Variants in SLC29A3 observed in about 807,000 individuals in gnomAD.
SLC29A3 encodes the protein solute carrier family 29 member 3.
Under a neutral mutation model 25.4 loss-of-function variants are expected in SLC29A3, and 18 were observed. The observed-to-expected ratio is 0.71, with a 90% CI of 0.49 to 1.05. The LOEUF is 1.05. Ranked by LOEUF, SLC29A3 falls within the 50% of genes least tolerant of loss-of-function variation. The pLI, the probability that SLC29A3 is intolerant of heterozygous loss-of-function variation, is 0.00. For synonymous variants in SLC29A3, 258 were observed against 267.1 expected (o/e 0.97, Z 0.33); for missense variants, 586 against 609.0 (o/e 0.96, Z 0.40).
At chr10:71,367,177 A>G (rs1367241786), downstream of SLC29A3, among the ~76,000 whole-genome samples, 3 of 144,274 alleles carry the variant, frequency 2.1e-5, no homozygotes, top group African/African-American at 2.5e-5. Context: ...GTGGAGCACA[A>G]GGGGAGGCGG....
chr10:71,323,199 T>C (rs1845893302), intron 2 of SLC29A3, 145 bp downstream of exon 2: 2 of 1,117,266 alleles, frequency 1.8e-6, no homozygotes, highest in East Asian at 2.6e-5. Flanking sequence ...AAATTATGGT[T>C]CCATGTGGTG....
intron 2 of SLC29A3, among the ~76,000 whole-genome samples, chr10:71,323,882 T>C (rs1845909264): frequency 6.6e-6 from 1 of 152,118 alleles, no homozygotes; most frequent in South Asian, 2.1e-4. Context: ...TGTGAAGCTG[T>C]GTTTGGGGCA....
At chr10:71,376,349 A>G (rs1455417047) in intron 4 of SLC29A3, among the ~76,000 whole-genome samples, 1 of 152,168 alleles carries the variant, frequency 6.6e-6, no homozygotes, top group Non-Finnish European at 1.5e-5. Flanking sequence ...TGAAAATTGC[A>G]GGCTCTGGAC....
chr10:71,362,970 G>A lies in SLC29A3; in HGVS notation c.*362G>A, dbSNP rs1054565513. 3.7e-5 allele frequency: 18 copies of A among 482,952 alleles called. No homozygotes were observed. The highest frequency in any genetic ancestry group is 2.9e-4 in the African/African-American group (15 of 51,406). 29.9% of individuals were successfully genotyped at this position (482,952 alleles called of 1,614,324 possible). A position where few individuals can be genotyped will look rare whatever the true frequency, so the allele number is the denominator to read the frequency against. ...AGCCAGTGCCAAAACCCAGCCATGG[G>A]CTCTTTGCAACCTCCCAGCTGCGCT... On this transcript the variant is annotated 3_prime_UTR_variant, in exon 6 of 6. Coordinates refer to ENST00000373189, the MANE Select transcript of SLC29A3 (RefSeq NM_018344.6).
chr10:71,325,521 A>G (rs1589221645), intron 2 of SLC29A3, among the ~76,000 whole-genome samples: 1 of 152,138 alleles, frequency 6.6e-6, no homozygotes, highest in African/African-American at 2.4e-5. Context: ...TATGTTTACA[A>G]CTTCACACTT....
chr10:71,325,662 G>A (rs1022899745), intron 2 of SLC29A3, among the ~76,000 whole-genome samples: 1 of 152,248 alleles, frequency 6.6e-6, no homozygotes, highest in Admixed American at 6.5e-5. Flanking sequence ...TTCTACAGCT[G>A]AGGAAGTGCC....
At chr10:71,354,168 C>T (rs1254371157) in intron 4 of SLC29A3, among the ~76,000 whole-genome samples, 1 of 152,208 alleles carries the variant, frequency 6.6e-6, no homozygotes, top group Non-Finnish European at 1.5e-5. Flanking sequence ...GTATTTGGCA[C>T]TTCTCCGCAC....
chr10:71,334,955 T>C (rs919288367), intron 2 of SLC29A3, among the ~76,000 whole-genome samples: 91 of 130,260 alleles, frequency 7.0e-4, no homozygotes, highest in Non-Finnish European at 1.2e-3. Flanking sequence ...TCTTTTTTTT[T>C]CTTTTTTTTT....
chr10:71,347,807 C>G (rs1270552192), intron 3 of SLC29A3, among the ~76,000 whole-genome samples: 2 of 152,208 alleles, frequency 1.3e-5, no homozygotes, highest in African/African-American at 4.8e-5. Flanking sequence ...CTCCTCCTCT[C>G]TGATTCCTCC....
Position 71,322,774 on chromosome 10 carries a change from A to T in SLC29A3, c.20A>T (p.Asp7Val), listed in dbSNP as rs763702312. 6.2e-7 allele frequency: 1 copy of T among 1,613,924 alleles called. No individual in the cohort carries two copies. Among genetic ancestry groups the T allele is most frequent in the Non-Finnish European group, 8.5e-7 (1 of 1,180,032 alleles). The stretch of plus-strand genomic sequence containing the variant: ...CCAATAGTGGCCGTTGTCTCAGAGG[A>T]CGACTTTCAGCACAGTTCAAACTCC... MAVVSE[D>V]DFQHSSNSTY... Residue 7 changes from aspartate (D) to valine (V), a missense_variant, in exon 2 of 6, where the codon GAC becomes GTC. Coordinates refer to ENST00000373189, the MANE Select transcript of SLC29A3 (RefSeq NM_018344.6).
At chr10:71,330,128 C>G (rs1198035583) in intron 2 of SLC29A3, among the ~76,000 whole-genome samples, 3 of 152,238 alleles carry the variant, frequency 2.0e-5, no homozygotes, top group Admixed American at 6.5e-5. Flanking sequence ...CCTGGAAGAG[C>G]CTTTGCCCTT....
chr10:71,339,862 C>G (rs930440022), intron 2 of SLC29A3, among the ~76,000 whole-genome samples: 1 of 152,122 alleles, frequency 6.6e-6, no homozygotes, highest in African/African-American at 2.4e-5. Flanking sequence ...CCTTCCATGC[C>G]CCCCAACACT....
intron 2 of SLC29A3, among the ~76,000 whole-genome samples, chr10:71,335,803 G>A (rs1331317557): frequency 6.6e-6 from 1 of 152,074 alleles, no homozygotes; most frequent in Admixed American, 6.5e-5. Flanking sequence ...ATGAAGAGAC[G>A]GATGTATGGG....
chr10:71,344,424 T>G, intron 3 of SLC29A3, 133 bp downstream of exon 3: 1 of 723,890 alleles, frequency 1.4e-6, no homozygotes, highest in South Asian at 1.5e-5. Flanking sequence ...CAGCTCAGAT[T>G]TATGCATGAA....
intron 2 of SLC29A3, among the ~76,000 whole-genome samples, chr10:71,327,109 G>A (rs1845989825): frequency 6.6e-6 from 1 of 152,140 alleles, no homozygotes; most frequent in Admixed American, 6.5e-5. Flanking sequence ...ATTAGCTGTG[G>A]GTCTAGATGT....
rs542640454 is a variant in SLC29A3, at chr10:71,341,477, C to T, written c.301-2732C>T. 2.0e-5 allele frequency among the ~76,000 whole-genome samples: 3 copies of T among 152,308 alleles called. No individual in the cohort carries two copies. In the South Asian group the frequency reaches 6.2e-4, roughly 32 times the overall value. ...GTGCCCCTCATGGGTGAGCACACTG[C>T]TCCTCCTGTCTCTTGGGGGGTCAAA... On this transcript the variant is annotated intron_variant, in intron 2 of 5. Coordinates refer to ENST00000373189, the MANE Select transcript of SLC29A3 (RefSeq NM_018344.6).
chr10:71,334,130 C>T (rs983401290), intron 2 of SLC29A3, among the ~76,000 whole-genome samples: 1 of 152,170 alleles, frequency 6.6e-6, no homozygotes, highest in African/African-American at 2.4e-5. Context: ...GACTTGAGAC[C>T]ATGTCCTCCT....
At chr10:71,329,840 A>G (rs1846079558) in intron 2 of SLC29A3, among the ~76,000 whole-genome samples, 1 of 152,240 alleles carries the variant, frequency 6.6e-6, no homozygotes, top group Non-Finnish European at 1.5e-5. Context: ...CAAAGGCTAC[A>G]TCATGAGAGA....
intron 1 of SLC29A3, among the ~76,000 whole-genome samples, chr10:71,321,949 C>T (rs1167570796): frequency 6.6e-6 from 1 of 152,244 alleles, no homozygotes; most frequent in African/African-American, 2.4e-5. Flanking sequence ...TGGGAATGGA[C>T]TGTCAGAGGC....
Sources: allele counts gnomAD v4.1 joint callset (sites outside exome capture counted in the v4.1 genomes callset), GRCh38; gene constraint gnomAD v4.1.1; transcripts MANE v1.5; gene names NCBI Gene and HGNC (gene_info 2026-07-23, HGNC 2026-07-21).